Variants in PPM1E observed in about 807,000 individuals in gnomAD.
The protein encoded by PPM1E is protein phosphatase 1E.
PPM1E carries 20 observed loss-of-function variants against 65.9 expected under a neutral mutation model. The observed-to-expected ratio is 0.30, with a 90% CI of 0.21 to 0.44. The LOEUF (loss-of-function observed/expected upper bound fraction) is 0.44, where lower values mean the gene tolerates loss of function less well. Among genes scored for constraint, PPM1E ranks in the 20% least tolerant of loss-of-function variants. The pLI is 1.00. For synonymous variants in PPM1E, 352 were observed against 374.9 expected, an observed-to-expected ratio of 0.94 and a Z score of 0.70; for missense variants, 713 against 953.1, an observed-to-expected ratio of 0.75 and a Z score of 3.32.
chr17:58,972,523 G>C (rs748134065), intron 5 of PPM1E, among the ~76,000 whole-genome samples: 10 of 152,022 alleles, frequency 6.6e-5, no homozygotes, highest in Non-Finnish European at 1.0e-4. Flanking sequence ...GCTAATTTTT[G>C]TATTTTTAGT....
At chr17:58,796,218 AT>A (rs1335970751) in intron 1 of PPM1E, among the ~76,000 whole-genome samples, 5 of 152,164 alleles carry the variant, frequency 3.3e-5, no homozygotes, top group Admixed American at 1.3e-4. Flanking sequence ...TAATTCTAAA[AT>A]TTTTTGTAGA....
At chr17:58,905,389 T>TGAG (rs2051546313) in intron 1 of PPM1E, among the ~76,000 whole-genome samples, 1 of 152,218 alleles carries the variant, frequency 6.6e-6, no homozygotes, top group Non-Finnish European at 1.5e-5. Context: ...CCTCTATTTC[T>TGAG]GGTTAACTGA....
chr17:58,980,636 G>A lies in PPM1E; in HGVS notation c.1873G>A (p.Glu625Lys). 6.2e-7 allele frequency: 1 copy of A among 1,614,198 alleles called. No homozygotes were observed. Among genetic ancestry groups the A allele is most frequent in the Non-Finnish European group, 8.5e-7 (1 of 1,180,024 alleles). The change falls in exon 7 of 7, where the codon GAG (glutamate) becomes AAG (lysine). Residue 625 changes from glutamate (E) to lysine (K), a missense_variant. Coordinates refer to ENST00000308249, the MANE Select transcript of PPM1E (RefSeq NM_014906.5). This position sits in a 1 kb window ranked among gnomAD's most constrained non-coding sequence, Gnocchi z 4.7. ...ATTGCCTGAATGGAGTGGTGCTGGA[G>A]AGTTTCCCACTGCTTTCAATTTGGG... is the stretch of plus-strand genomic sequence containing the variant. Reference protein sequence around the residue: ...SSLPEWSGAGEFPTAFNLGST... With the variant: ...SSLPEWSGAGKFPTAFNLGST...
At chr17:58,819,984 C>T (rs575854738) in intron 1 of PPM1E, among the ~76,000 whole-genome samples, 5 of 152,106 alleles carry the variant, frequency 3.3e-5, no homozygotes, top group African/African-American at 1.2e-4. Context: ...TTGCAGTGAG[C>T]CGAGATGGCA....
intron 1 of PPM1E, among the ~76,000 whole-genome samples, chr17:58,771,580 G>A (rs1006919211): frequency 6.7e-5 from 10 of 150,186 alleles, no homozygotes; most frequent in Non-Finnish European, 1.2e-4. Flanking sequence ...CCCAGTTCGC[G>A]CCACTGCACT....
chr17:58,843,960 G>T (rs1259313499), intron 1 of PPM1E, among the ~76,000 whole-genome samples: 2 of 152,160 alleles, frequency 1.3e-5, no homozygotes, highest in Non-Finnish European at 2.9e-5. Flanking sequence ...TCAAAGGAGG[G>T]TGCAGAGTAT....
intron 2 of PPM1E, among the ~76,000 whole-genome samples, chr17:58,963,372 A>G (rs12952436): frequency 0.41 from 55,523 of 135,258 alleles, 10,711 homozygotes; most frequent in Middle Eastern, 0.64. Context: ...GGGCGACAAG[A>G]GTGAAACTCT....
At position 58,969,654 on chromosome 17, in the gene PPM1E, A is replaced by G. The variant is rs763701177; in HGVS notation, c.899A>G (p.His300Arg). 2.8e-5 allele frequency: 45 copies of G among 1,614,012 alleles called. No individual in the cohort carries two copies. In the South Asian group the frequency reaches 4.9e-4, roughly 18 times the overall value. The change falls in exon 4 of 7, where the codon CAT (histidine) becomes CGT (arginine). Residue 300 changes from histidine (H) to arginine (R), a missense_variant. Physicochemically the swap from His to Arg is conservative, Grantham distance 29. Around this residue, in one of 6 missense-constraint regions of PPM1E, gnomAD observed 18 missense variants for 16.4 expected, o/e 1.10. Transcript: ENST00000308249. ...VNLVRQEMFP[H>R]DPAEALCRAF... ...TTAGTCCGCCAGGAGATGTTCCCCC[A>G]TGATCCTGCTGAGGCCCTGTGCAGG...
At chr17:58,974,837 G>C (rs1208174122) in intron 6 of PPM1E, among the ~76,000 whole-genome samples, 1 of 152,192 alleles carries the variant, frequency 6.6e-6, no homozygotes, top group Non-Finnish European at 1.5e-5. Context: ...AGCAAGCTGT[G>C]AAGTGGCCCA....
At chr17:58,770,584 C>T (rs9303401) in intron 1 of PPM1E, among the ~76,000 whole-genome samples, 50,397 of 151,880 alleles carry the variant, frequency 0.33, 8,890 homozygotes, top group East Asian at 0.49. Flanking sequence ...AAAATAAAAG[C>T]GTTCTCTCAG....
intron 1 of PPM1E, among the ~76,000 whole-genome samples, chr17:58,941,866 G>T (rs531614775): frequency 1.3e-5 from 2 of 151,248 alleles, no homozygotes; most frequent in Non-Finnish European, 2.9e-5. Flanking sequence ...TTAGCTGGGC[G>T]TGGTGGCAGG....
intron 1 of PPM1E, among the ~76,000 whole-genome samples, chr17:58,816,794 A>ATTTT (rs71367634): frequency 1.4e-3 from 23 of 16,628 alleles, no homozygotes; most frequent in Non-Finnish European, 2.3e-3. Flanking sequence ...ATATATATAT[A>ATTTT]TTTTTTTTTT....
intron 1 of PPM1E, among the ~76,000 whole-genome samples, chr17:58,918,736 G>A (rs1042141320): frequency 1.4e-5 from 2 of 147,350 alleles, no homozygotes; most frequent in African/African-American, 5.0e-5. Flanking sequence ...AACCCTGGAG[G>A]CAGAGGTTGC....
chr17:58,939,836 T>C (rs570713957), intron 1 of PPM1E, among the ~76,000 whole-genome samples: 1 of 152,288 alleles, frequency 6.6e-6, no homozygotes, highest in East Asian at 1.9e-4. Context: ...GGATGTGAAT[T>C]GCTTGAAGAT....
At chr17:58,808,167 A>G (rs1451637724) in intron 1 of PPM1E, among the ~76,000 whole-genome samples, 2 of 152,030 alleles carry the variant, frequency 1.3e-5, no homozygotes, top group African/African-American at 4.8e-5. Context: ...TAAATTGGTG[A>G]TTTGTTTATC....
At chr17:58,804,004 C>T (rs563644249) in intron 1 of PPM1E, among the ~76,000 whole-genome samples, 2 of 152,310 alleles carry the variant, frequency 1.3e-5, no homozygotes, top group Admixed American at 1.3e-4. Context: ...TCATAGCTCA[C>T]TGAGACCTTA....
chr17:58,919,284 G>A (rs1414682297), intron 1 of PPM1E, among the ~76,000 whole-genome samples: 2 of 152,130 alleles, frequency 1.3e-5, no homozygotes, highest in Non-Finnish European at 2.9e-5. Context: ...TTGATAGATG[G>A]AAAGAGGTGA....
chr17:58,825,306 A>G (rs2050524571), intron 1 of PPM1E, among the ~76,000 whole-genome samples: 1 of 151,758 alleles, frequency 6.6e-6, no homozygotes, highest in Non-Finnish European at 1.5e-5. Flanking sequence ...GTAGTGGCTC[A>G]TGCCTGTAAT....
intron 2 of PPM1E, among the ~76,000 whole-genome samples, chr17:58,956,329 G>A (rs1049193255): frequency 1.3e-5 from 2 of 151,918 alleles, no homozygotes; most frequent in East Asian, 1.9e-4. Context: ...CTAGCTATTC[G>A]GGAGGCTGAG....
Sources: gnomAD v4.1 joint callset for allele counts (sites outside exome capture counted in the v4.1 genomes callset) on GRCh38, gnomAD v4.1.1 for gene constraint, gnomAD v4.1.1 regional missense constraint, Gnocchi (gnomAD v3.1) non-coding constraint, MANE v1.5 for transcripts, NCBI Gene and HGNC (gene_info 2026-07-23, HGNC 2026-07-21) for gene names.